ABTB3: variants seen among roughly 807,000 people sequenced by gnomAD.
ABTB3 encodes ankyrin repeat and BTB domain containing 3.
the ABTB3 span, among the ~76,000 whole-genome samples, chr12:107,387,200 A>G: frequency 3.3e-5 from 5 of 150,604 alleles, no homozygotes; most frequent in South Asian, 1.1e-3. Context: ...CTGGTCTCGA[A>G]CTCCTGACCT....
chr12:107,616,550 G>C, the ABTB3 span, among the ~76,000 whole-genome samples: 3 of 152,208 alleles, frequency 2.0e-5, no homozygotes, highest in Non-Finnish European at 4.4e-5. Flanking sequence ...AACTGATCTT[G>C]CTGTCCAGAA....
the ABTB3 span, among the ~76,000 whole-genome samples, chr12:107,321,505 G>A: frequency 6.6e-6 from 1 of 152,160 alleles, no homozygotes; most frequent in Non-Finnish European, 1.5e-5. Flanking sequence ...AGGGGAATCC[G>A]CACTGATCTC....
At chr12:107,456,392 G>A in the ABTB3 span, among the ~76,000 whole-genome samples, 7 of 152,176 alleles carry the variant, frequency 4.6e-5, no homozygotes, top group African/African-American at 7.2e-5. Flanking sequence ...CCGCCTAAGC[G>A]GCAGCATTAG....
the ABTB3 span, among the ~76,000 whole-genome samples, chr12:107,534,107 G>A: frequency 0.11 from 16,441 of 152,142 alleles, 954 homozygotes; most frequent in African/African-American, 0.14. Context: ...GCTGAGGCAG[G>A]AGGATCACCA....
chr12:107,383,651 T>C, the ABTB3 span, among the ~76,000 whole-genome samples: 1 of 152,204 alleles, frequency 6.6e-6, no homozygotes, highest in Non-Finnish European at 1.5e-5. Flanking sequence ...GTTCTCTGCC[T>C]ACCTTTCAGA....
At chr12:107,544,634 C>T in the ABTB3 span, among the ~76,000 whole-genome samples, 2 of 152,212 alleles carry the variant, frequency 1.3e-5, no homozygotes, top group Non-Finnish European at 2.9e-5. Context: ...AAGGAAGGAA[C>T]TGGGAGAGGA....
the ABTB3 span, among the ~76,000 whole-genome samples, chr12:107,601,978 G>A: frequency 6.6e-5 from 10 of 152,178 alleles, 1 homozygote; most frequent in African/African-American, 1.7e-4. Context: ...CCTGGCCTCC[G>A]AGCCCAGATC....
the ABTB3 span, among the ~76,000 whole-genome samples, chr12:107,430,021 G>T: frequency 6.6e-6 from 1 of 152,204 alleles, no homozygotes; most frequent in African/African-American, 2.4e-5. Context: ...TTTGGTATTT[G>T]TGTGTGAACC....
At chr12:107,565,056 A>T in the ABTB3 span, among the ~76,000 whole-genome samples, 1 of 152,246 alleles carries the variant, frequency 6.6e-6, no homozygotes, top group Non-Finnish European at 1.5e-5. Context: ...TTCAACTTGG[A>T]CACATCCCAG....
At chr12:107,540,586 C>A in the ABTB3 span, among the ~76,000 whole-genome samples, 1 of 152,198 alleles carries the variant, frequency 6.6e-6, no homozygotes, top group African/African-American at 2.4e-5. Flanking sequence ...GTTGGCCAGG[C>A]ACTGAGCTCA....
chr12:107,482,904 C>T, the ABTB3 span, among the ~76,000 whole-genome samples: 658 of 134,424 alleles, frequency 4.9e-3, 1 homozygote, highest in Non-Finnish European at 6.9e-3. Context: ...CTCTCTCTCT[C>T]TCTTTCTTCT....
At chr12:107,426,282 G>C in the ABTB3 span, among the ~76,000 whole-genome samples, 20 of 152,352 alleles carry the variant, frequency 1.3e-4, 1 homozygote, top group South Asian at 2.7e-3. Context: ...TGCGGACAAG[G>C]AGGGGAGGGG....
chr12:107,589,127 A>G, the ABTB3 span, among the ~76,000 whole-genome samples: 9 of 152,220 alleles, frequency 5.9e-5, no homozygotes, highest in African/African-American at 1.7e-4. Context: ...GATTAGATGA[A>G]ATAATGTGTA....
chr12:107,388,569 A>C, the ABTB3 span, among the ~76,000 whole-genome samples: 199 of 103,152 alleles, frequency 1.9e-3, no homozygotes, highest in Middle Eastern at 6.0e-3. Context: ...TTCCCCTCCT[A>C]CTCCCACCCT....
chr12:107,653,997 A>G, the ABTB3 span, among the ~76,000 whole-genome samples: 1 of 152,186 alleles, frequency 6.6e-6, no homozygotes, highest in Non-Finnish European at 1.5e-5. Context: ...GTCTCTATGA[A>G]TTTGACTACT....
the ABTB3 span, among the ~76,000 whole-genome samples, chr12:107,646,063 A>G: frequency 6.6e-6 from 1 of 152,208 alleles, no homozygotes; most frequent in Non-Finnish European, 1.5e-5. Context: ...TCCTCCCCCA[A>G]GTCTGTTTAA....
the ABTB3 span, among the ~76,000 whole-genome samples, chr12:107,543,062 G>A: frequency 2.2e-3 from 333 of 152,256 alleles, 2 homozygotes; most frequent in African/African-American, 7.5e-3. Context: ...AGGGCAGAGC[G>A]TGGTGGCTTA....
chr12:107,552,414 G>A, the ABTB3 span, among the ~76,000 whole-genome samples: 3 of 152,288 alleles, frequency 2.0e-5, no homozygotes, highest in South Asian at 2.1e-4. Context: ...CCTAGTCTCC[G>A]TATCCAGCGA....
the ABTB3 span, among the ~76,000 whole-genome samples, chr12:107,377,879 A>G: frequency 1.3e-5 from 2 of 152,204 alleles, no homozygotes; most frequent in African/African-American, 4.8e-5. Flanking sequence ...CTTCAATGAC[A>G]GCCCCATTCT....
Sources: gnomAD v4.1 joint callset for allele counts (sites outside exome capture counted in the v4.1 genomes callset) on GRCh38, gnomAD v4.1.1 for gene constraint, MANE v1.5 for transcripts, NCBI Gene and HGNC (gene_info 2026-07-23, HGNC 2026-07-21) for gene names.